The following SLC2A13 variants were observed in gnomAD, a reference collection of about 807,000 sequenced individuals.
SLC2A13 encodes proton myo-inositol cotransporter.
In SLC2A13, 32 loss-of-function variants were observed where a neutral mutation model predicts 64.4. That is an observed-to-expected ratio of 0.50 (90% CI 0.37 to 0.67). The LOEUF (loss-of-function observed/expected upper bound fraction) is 0.67. SLC2A13 is among the 30% of genes least tolerant of loss of function. The pLI is 0.00. For missense variants in SLC2A13, 743 were observed against 829.2 expected (o/e 0.90, Z 1.28); for synonymous variants, 338 against 327.1 (o/e 1.03, Z -0.36).
chr12:40,005,224 T>C (rs769163651), intron 3 of SLC2A13, among the ~76,000 whole-genome samples: 36 of 152,204 alleles, frequency 2.4e-4, no homozygotes, highest in Non-Finnish European at 1.0e-4. Flanking sequence ...AGCTACAGTA[T>C]GAAGAGACCT....
intron 7 of SLC2A13, among the ~76,000 whole-genome samples, chr12:39,777,265 A>T (rs1186592022): frequency 6.6e-6 from 1 of 152,232 alleles, no homozygotes; most frequent in Non-Finnish European, 1.5e-5. Flanking sequence ...GCAGGGAAAT[A>T]GTCAATTGAA....
intron 2 of SLC2A13, among the ~76,000 whole-genome samples, chr12:40,044,219 A>G (rs568677623): frequency 6.6e-6 from 1 of 152,334 alleles, no homozygotes; most frequent in Non-Finnish European, 1.5e-5. Context: ...GAAAGAAGCC[A>G]GTCATAAAGA....
At position 39,756,686 on chromosome 12, in the gene SLC2A13, A is replaced by G. The variant is rs1371596917; in HGVS notation, c.*3340T>C. 6.6e-6 allele frequency: 1 copy of G among 151,682 alleles called. No homozygotes were observed. Among genetic ancestry groups the G allele is most frequent in the Non-Finnish European group, 1.5e-5 (1 of 67,688 alleles). The allele number at this position is 151,682 out of a possible 1,614,324, so 9.4% of individuals were successfully genotyped here. A position where few individuals can be genotyped will look rare whatever the true frequency, so the allele number is the denominator to read the frequency against. On this transcript the variant is annotated 3_prime_UTR_variant, in exon 10 of 10. Transcript: ENST00000280871. ...ATTTTCAATATTATTTTGTTGTTAA[A>G]AAGCAAAAGGGTAAGTTGTCAGCTT... is the stretch of plus-strand genomic sequence containing the variant.
chr12:39,848,370 A>T (rs1943376488), intron 6 of SLC2A13, among the ~76,000 whole-genome samples: 1 of 152,238 alleles, frequency 6.6e-6, no homozygotes, highest in African/African-American at 2.4e-5. Context: ...AAAGGACATG[A>T]ACAGACACCT....
At chr12:39,931,451 C>T (rs955054383) in intron 4 of SLC2A13, among the ~76,000 whole-genome samples, 3 of 152,222 alleles carry the variant, frequency 2.0e-5, no homozygotes. Context: ...TGCACCTGCA[C>T]CCAGAGACAC....
At chr12:39,971,983 G>GAAAAA (rs1174701447) in intron 3 of SLC2A13, among the ~76,000 whole-genome samples, 7,142 of 95,580 alleles carry the variant, frequency 0.075, 669 homozygotes, top group East Asian at 0.13. Context: ...AGTGTCTCCA[G>GAAAAA]AAAAAAAAAA....
At chr12:40,031,380 G>C (rs973777959) in intron 2 of SLC2A13, among the ~76,000 whole-genome samples, 35 of 152,090 alleles carry the variant, frequency 2.3e-4, no homozygotes, top group African/African-American at 8.0e-4. Context: ...GTGCCACCAC[G>C]CCTGGCTAAT....
chr12:39,778,852 T>C (rs922749928), intron 7 of SLC2A13, among the ~76,000 whole-genome samples: 14 of 152,146 alleles, frequency 9.2e-5, no homozygotes, highest in African/African-American at 3.1e-4. Context: ...TATAGGGGTA[T>C]AGGAGGAGTT....
At chr12:39,840,050 G>C (rs1448376204) in intron 6 of SLC2A13, among the ~76,000 whole-genome samples, 3 of 150,226 alleles carry the variant, frequency 2.0e-5, no homozygotes, top group African/African-American at 7.4e-5. Flanking sequence ...TTTTGTTTTT[G>C]AGACAGAGTC....
intron 7 of SLC2A13, among the ~76,000 whole-genome samples, chr12:39,796,252 G>A (rs191384774): frequency 1.2e-3 from 180 of 152,018 alleles, no homozygotes; most frequent in Admixed American, 3.3e-3. Flanking sequence ...ACTGATCTGA[G>A]TGTGACCATG....
intron 4 of SLC2A13, among the ~76,000 whole-genome samples, chr12:39,935,810 A>G (rs892638311): frequency 6.6e-6 from 1 of 152,154 alleles, no homozygotes; most frequent in African/African-American, 2.4e-5. Context: ...GATTAGCTTT[A>G]ATCATTGCCA....
intron 3 of SLC2A13, among the ~76,000 whole-genome samples, chr12:40,002,629 T>A (rs1947338644): frequency 1.3e-5 from 2 of 152,226 alleles, no homozygotes; most frequent in South Asian, 2.1e-4. Context: ...TCAGCACATG[T>A]CATGAGCTAG....
At chr12:39,807,827 T>C (rs1455458369) in intron 7 of SLC2A13, among the ~76,000 whole-genome samples, 4 of 152,124 alleles carry the variant, frequency 2.6e-5, no homozygotes, top group African/African-American at 9.7e-5. Context: ...CTTTTAATAA[T>C]CGTACCAGGA....
chr12:40,054,569 A>G (rs1303611770), intron 1 of SLC2A13, among the ~76,000 whole-genome samples: 1 of 152,238 alleles, frequency 6.6e-6, no homozygotes, highest in Non-Finnish European at 1.5e-5. Context: ...TATAAGATCT[A>G]CATCAATGAA....
At chr12:39,785,758 T>C (rs1941163310) in intron 7 of SLC2A13, among the ~76,000 whole-genome samples, 1 of 152,102 alleles carries the variant, frequency 6.6e-6, no homozygotes, top group Non-Finnish European at 1.5e-5. Flanking sequence ...GGAACCCACC[T>C]CTTGCATCAG....
At chr12:39,849,510 AT>A (rs1162502761) in intron 6 of SLC2A13, among the ~76,000 whole-genome samples, 1 of 152,154 alleles carries the variant, frequency 6.6e-6, no homozygotes, top group Non-Finnish European at 1.5e-5. Flanking sequence ...GAGGCTGTTT[AT>A]TGAGGTGCTC....
At chr12:39,984,774 G>C (rs1946998092) in intron 3 of SLC2A13, among the ~76,000 whole-genome samples, 1 of 152,052 alleles carries the variant, frequency 6.6e-6, no homozygotes, top group African/African-American at 2.4e-5. Flanking sequence ...TATCCTACAG[G>C]GATTCAGATA....
chr12:39,943,700 T>C (rs1172399685), intron 4 of SLC2A13, among the ~76,000 whole-genome samples: 1 of 152,106 alleles, frequency 6.6e-6, no homozygotes, highest in Non-Finnish European at 1.5e-5. Context: ...CTCCGTGGGG[T>C]GGGATCCACT....
intron 4 of SLC2A13, among the ~76,000 whole-genome samples, chr12:39,880,272 T>A (rs1485117972): frequency 2.6e-5 from 4 of 152,212 alleles, no homozygotes; most frequent in Non-Finnish European, 4.4e-5. Flanking sequence ...GGCCTAATCA[T>A]CATCACATGG....
Sources: allele counts gnomAD v4.1 joint callset (sites outside exome capture counted in the v4.1 genomes callset), GRCh38; gene constraint gnomAD v4.1.1; transcripts MANE v1.5; gene names NCBI Gene and HGNC (gene_info 2026-07-23, HGNC 2026-07-21).